GATAD1: variants seen among roughly 807,000 people sequenced by gnomAD.
The protein encoded by GATAD1 is GATA zinc finger domain-containing protein 1.
In GATAD1, 12 loss-of-function variants were observed where a neutral mutation model predicts 26.5. The observed-to-expected ratio is 0.45, with a 90% CI of 0.29 to 0.73. GATAD1 has a LOEUF of 0.73. Among genes scored for constraint, GATAD1 ranks in the 30% least tolerant of loss-of-function variants. GATAD1 has a pLI of 0.10. For synonymous variants in GATAD1, 129 were observed against 133.1 expected (o/e 0.97, Z 0.21); for missense variants, 266 against 342.1 (o/e 0.78, Z 1.75).
the GATAD1 span, among the ~76,000 whole-genome samples, chr7:92,490,788 G>C: frequency 1.3e-5 from 2 of 152,146 alleles, no homozygotes; most frequent in Admixed American, 1.3e-4. Flanking sequence ...AATGCTAGTA[G>C]AACAGTGATA....
chr7:92,491,708 A>G, the GATAD1 span: 1 of 526,700 alleles, frequency 1.9e-6, no homozygotes, highest in African/African-American at 1.9e-5. Flanking sequence ...ATGTGTAGAT[A>G]ATTTACCAAC....
At chr7:92,476,177 G>T in the GATAD1 span, among the ~76,000 whole-genome samples, 1 of 152,224 alleles carries the variant, frequency 6.6e-6, no homozygotes, top group South Asian at 2.1e-4. Context: ...AGTGGTTGGA[G>T]TTACATTACC....
At chr7:92,494,750 AT>A in the GATAD1 span, 1 of 563,528 alleles carries the variant, frequency 1.8e-6, no homozygotes, top group Non-Finnish European at 2.6e-6. Flanking sequence ...ACTTCTTTTA[AT>A]TTTTACAACA....
At chr7:92,487,320 T>C in the GATAD1 span, 1 of 583,708 alleles carries the variant, frequency 1.7e-6, no homozygotes. Context: ...ATTATAGCAT[T>C]TACCAATCTG....
rs1196259268 is a variant in GATAD1 at position 92,448,780 on chromosome 7, C to T, written c.278C>T (p.Ala93Val). Residue 93 changes from alanine (A) to valine (V), a missense_variant, in exon 2 of 5, where the codon GCT becomes GTT. Transcript: ENST00000287957. ...AAGCAGGAAATTCACAGGAGGTCTG[C>T]TCGGCTCAGAAACACTAAATACAAA... ...QSKQEIHRRS[A>V]RLRNTKYKSA... 1.9e-6 allele frequency: 3 copies of T among 1,611,426 alleles called. No individual in the cohort carries two copies. Among genetic ancestry groups the T allele is most frequent in the Admixed American group, 1.7e-5 (1 of 59,994 alleles).
chr7:92,490,253 G>A, the GATAD1 span: 1 of 273,794 alleles, frequency 3.7e-6, no homozygotes. Flanking sequence ...TTTCTAAATA[G>A]AATAAATTAA....
downstream of GATAD1, among the ~76,000 whole-genome samples, chr7:92,460,776 CAA>C (rs557542327): frequency 3.8e-3 from 239 of 63,356 alleles, 3 homozygotes; most frequent in African/African-American, 0.011. Context: ...GACCTTCTCT[CAA>C]AAAAAAAAAA....
chr7:92,491,421 C>T, the GATAD1 span: 1 of 1,613,742 alleles, frequency 6.2e-7, no homozygotes, highest in Non-Finnish European at 8.5e-7. Flanking sequence ...CCATCTCCAG[C>T]TGAATCGTCA....
chr7:92,463,984 T>C (rs1231342887), downstream of GATAD1, among the ~76,000 whole-genome samples: 1 of 152,020 alleles, frequency 6.6e-6, no homozygotes, highest in Non-Finnish European at 1.5e-5. Context: ...AAGGTTAAAA[T>C]TGTAAGTTTT....
At chr7:92,493,171 TAAAAA>T in the GATAD1 span, 109 of 1,082,182 alleles carry the variant, frequency 1.0e-4, 1 homozygote, top group East Asian at 2.2e-3. Context: ...AAAATAAAAT[TAAAAA>T]TATTATCTTA....
At chr7:92,449,432 G>C in intron 2 of GATAD1, 4 of 980,564 alleles carry the variant, frequency 4.1e-6, no homozygotes, top group Non-Finnish European at 4.8e-6. Context: ...ACCTGTGCTG[G>C]AAGTAGTTGA....
the GATAD1 span, chr7:92,487,472 T>C: frequency 1.9e-6 from 3 of 1,583,742 alleles, no homozygotes; most frequent in Non-Finnish European, 2.6e-6. Flanking sequence ...CTAAAGTTAC[T>C]TTCTGTCCAG....
At chr7:92,487,506 T>C in the GATAD1 span, 4 of 1,593,610 alleles carry the variant, frequency 2.5e-6, no homozygotes, top group African/African-American at 2.7e-5. Flanking sequence ...TCCACTTTGA[T>C]TTTTTCTCCT....
chr7:92,484,313 A>C, the GATAD1 span, among the ~76,000 whole-genome samples: 1 of 152,048 alleles, frequency 6.6e-6, no homozygotes, highest in African/African-American at 2.4e-5. Flanking sequence ...GAAGGAGGTA[A>C]GTTTAAAGAG....
At chr7:92,455,042 T>G (rs956645199) in intron 4 of GATAD1, among the ~76,000 whole-genome samples, 5 of 151,372 alleles carry the variant, frequency 3.3e-5, no homozygotes, top group African/African-American at 4.9e-5. Context: ...ATTGCCTCCC[T>G]AAAGGTCTCA....
At chr7:92,491,617 T>A in the GATAD1 span, 22 of 683,966 alleles carry the variant, frequency 3.2e-5, no homozygotes, top group Admixed American at 5.6e-4. Context: ...AGAAGCATTT[T>A]TCAAAGAGCT....
At chr7:92,481,785 G>A in the GATAD1 span, among the ~76,000 whole-genome samples, 6 of 152,336 alleles carry the variant, frequency 3.9e-5, no homozygotes, top group East Asian at 1.2e-3. Context: ...GCAAAACCAG[G>A]TATCCAAAGG....
chr7:92,491,682 A>T, the GATAD1 span: 2 of 571,316 alleles, frequency 3.5e-6, no homozygotes, highest in South Asian at 4.1e-5. Flanking sequence ...TATTAAAATT[A>T]TAAAGACAAG....
the GATAD1 span, chr7:92,494,636 AAAAC>A: frequency 6.2e-7 from 1 of 1,613,666 alleles, no homozygotes; most frequent in Non-Finnish European, 8.5e-7. Flanking sequence ...TGCTCTGGGA[AAAAC>A]AAACAACATT....
Sources: allele counts gnomAD v4.1 joint callset (sites outside exome capture counted in the v4.1 genomes callset), GRCh38; gene constraint gnomAD v4.1.1; transcripts MANE v1.5; gene names NCBI Gene and HGNC (gene_info 2026-07-23, HGNC 2026-07-21).